Variants in TAFA1 observed in about 807,000 individuals in gnomAD.
TAFA1 encodes chemokine-like protein TAFA-1.
TAFA1 carries 4 observed loss-of-function variants against 18.5 expected under a neutral mutation model. The ratio of observed to expected loss-of-function variants is 0.22; its 90% CI spans 0.11 to 0.49. The LOEUF (loss-of-function observed/expected upper bound fraction) is 0.49, where lower values mean the gene tolerates loss of function less well. Ranked by LOEUF, TAFA1 falls within the 20% of genes least tolerant of loss-of-function variation. The pLI is 0.98. For missense variants in TAFA1, 147 were observed against 169.0 expected (o/e 0.87, Z 0.72); for synonymous variants, 56 against 55.2 (o/e 1.01, Z -0.06).
chr3:68,329,913 G>T (rs1295185560), intron 2 of TAFA1, among the ~76,000 whole-genome samples: 1 of 152,138 alleles, frequency 6.6e-6, no homozygotes, highest in African/African-American at 2.4e-5. Context: ...ATTAGTCTTG[G>T]TTTTTTAAGT....
chr3:68,363,165 G>C (rs2069501784), intron 2 of TAFA1, among the ~76,000 whole-genome samples: 1 of 151,856 alleles, frequency 6.6e-6, no homozygotes, highest in Non-Finnish European at 1.5e-5. Context: ...CCTGAGAGCT[G>C]GTTTTGGAAT....
At chr3:68,273,777 T>A (rs1351135136) in intron 2 of TAFA1, among the ~76,000 whole-genome samples, 2 of 152,210 alleles carry the variant, frequency 1.3e-5, no homozygotes, top group Non-Finnish European at 2.9e-5. Flanking sequence ...AATAGTATAA[T>A]GCACAGGAAG....
chr3:68,350,614 G>A (rs780622751), intron 2 of TAFA1, among the ~76,000 whole-genome samples: 1 of 152,094 alleles, frequency 6.6e-6, no homozygotes, highest in Non-Finnish European at 1.5e-5. Flanking sequence ...GACAGGTATT[G>A]TACTTCCTGT....
chr3:68,506,594 G>A lies in TAFA1; in HGVS notation c.260-32162G>A, dbSNP rs560034716. Among the ~76,000 whole-genome samples the A allele has an allele frequency of 2.6e-5, 4 of 152,194 alleles. No individual in the cohort carries two copies. The South Asian group carries it at 8.3e-4, about 32-fold the overall frequency. On this transcript the variant is annotated intron_variant, in intron 3 of 4. Coordinates refer to ENST00000478136, the MANE Select transcript of TAFA1 (RefSeq NM_213609.4). ...ATCAGGGCAACGCTGTGCTCCACTG[G>A]TATGCATTTGTTATGGTCTGATTGG...
chr3:68,304,205 C>G (rs1575761973), intron 2 of TAFA1, among the ~76,000 whole-genome samples: 1 of 152,052 alleles, frequency 6.6e-6, no homozygotes, highest in East Asian at 1.9e-4. Flanking sequence ...ATGATATATA[C>G]TTGATATGAA....
chr3:68,102,907 C>A (rs940083460), intron 2 of TAFA1, among the ~76,000 whole-genome samples: 3 of 152,192 alleles, frequency 2.0e-5, no homozygotes, highest in African/African-American at 4.8e-5. Context: ...CATCCAGAAC[C>A]AGTGTCCTCC....
chr3:68,459,026 C>CGAG (rs2071722673), intron 3 of TAFA1, among the ~76,000 whole-genome samples: 1 of 152,184 alleles, frequency 6.6e-6, no homozygotes, highest in Non-Finnish European at 1.5e-5. Context: ...CATTGCAAAG[C>CGAG]ATTAGCCTTG....
chr3:68,092,588 C>T (rs891908083), intron 2 of TAFA1, among the ~76,000 whole-genome samples: 6 of 152,110 alleles, frequency 3.9e-5, no homozygotes, highest in African/African-American at 9.7e-5. Flanking sequence ...TCATGTTCTG[C>T]CAGTAAATTC....
At chr3:68,347,618 A>G (rs1160330064) in intron 2 of TAFA1, among the ~76,000 whole-genome samples, 1 of 152,232 alleles carries the variant, frequency 6.6e-6, no homozygotes, top group African/African-American at 2.4e-5. Context: ...ATGAATGACC[A>G]TGGTTGTGCT....
In TAFA1 at chr3:68,481,646, G is replaced by C. The variant is rs2036812; in HGVS notation, c.260-57110G>C. 2.6e-5 allele frequency among the ~76,000 whole-genome samples: 4 copies of C among 152,142 alleles called. No individual in the cohort carries two copies. The South Asian group carries it at 8.3e-4, about 32-fold the overall frequency. ...TTAGACTATTACCTTACCTCCAGGG[G>C]TATTGAGAGACTCTAATTTGTTAAT... On this transcript the variant is annotated intron_variant, in intron 3 of 4. Transcript: ENST00000478136.
chr3:68,490,321 C>T (rs1173616322), intron 3 of TAFA1, among the ~76,000 whole-genome samples: 1 of 152,136 alleles, frequency 6.6e-6, no homozygotes, highest in Non-Finnish European at 1.5e-5. Context: ...AGTGGATTTT[C>T]AGGTAGCCAT....
intron 2 of TAFA1, among the ~76,000 whole-genome samples, chr3:68,312,503 C>T (rs1450193301): frequency 1.3e-5 from 2 of 152,168 alleles, no homozygotes; most frequent in African/African-American, 4.8e-5. Context: ...TTCAAAGTTC[C>T]ACAAATCTCT....
Position 68,212,012 on chromosome 3 carries a change from T to A in TAFA1, c.118+205268T>A, listed in dbSNP as rs151129554. ...GCAAACTCTAATCAAGTAAATAGAC[T>A]GCCATGAGCTTCATAATAAAGATAA... On this transcript the variant is annotated intron_variant, in intron 2 of 4. Coordinates refer to ENST00000478136, the MANE Select transcript of TAFA1 (RefSeq NM_213609.4). 2.7e-4 allele frequency among the ~76,000 whole-genome samples: 41 copies of A among 152,094 alleles called. 1 individual carries two copies. In the South Asian group the frequency reaches 5.0e-3, roughly 18 times the overall value.
chr3:68,066,752 G>A (rs1204107858), intron 2 of TAFA1, among the ~76,000 whole-genome samples: 2 of 152,080 alleles, frequency 1.3e-5, no homozygotes, highest in African/African-American at 2.4e-5. Context: ...ATTATAAAAG[G>A]CATCAAGAGG....
chr3:68,174,297 T>C (rs948562369), intron 2 of TAFA1, among the ~76,000 whole-genome samples: 1 of 152,192 alleles, frequency 6.6e-6, no homozygotes, highest in East Asian at 1.9e-4. Context: ...GATCTCATCT[T>C]GGAGTCCCAC....
chr3:68,163,447 G>T (rs867549022), intron 2 of TAFA1, among the ~76,000 whole-genome samples: 1 of 152,198 alleles, frequency 6.6e-6, no homozygotes, highest in South Asian at 2.1e-4. Flanking sequence ...CACTTTGAAT[G>T]TGTTAGTTAT....
intron 2 of TAFA1, among the ~76,000 whole-genome samples, chr3:68,346,264 C>G (rs1364348679): frequency 6.6e-6 from 1 of 152,078 alleles, no homozygotes; most frequent in East Asian, 1.9e-4. Context: ...TCAGGTGATC[C>G]TCCCACCTCA....
At chr3:68,200,869 T>C (rs1056299393) in intron 2 of TAFA1, among the ~76,000 whole-genome samples, 49 of 151,786 alleles carry the variant, frequency 3.2e-4, no homozygotes, top group African/African-American at 9.9e-4. Context: ...TCTGCTTTAA[T>C]GTTTATTATC....
intron 2 of TAFA1, among the ~76,000 whole-genome samples, chr3:68,396,840 T>G (rs1439021754): frequency 6.6e-6 from 1 of 152,216 alleles, no homozygotes; most frequent in Non-Finnish European, 1.5e-5. Context: ...TTAAAATCTT[T>G]TAAGAACTAC....
Sources: gnomAD v4.1 joint callset for allele counts (sites outside exome capture counted in the v4.1 genomes callset) on GRCh38, gnomAD v4.1.1 for gene constraint, MANE v1.5 for transcripts, NCBI Gene and HGNC (gene_info 2026-07-23, HGNC 2026-07-21) for gene names.